Variants in RMDN2 observed in about 807,000 individuals in gnomAD.
RMDN2 encodes regulator of microtubule dynamics 2, also known as regulator of microtubule dynamics protein 2.
In RMDN2, 61 loss-of-function variants were observed where a neutral mutation model predicts 52.8. The ratio of observed to expected loss-of-function variants is 1.16; its 90% confidence interval spans 0.94 to 1.43. The LOEUF is 1.43. Ranked by LOEUF, RMDN2 falls within the 40% of genes most tolerant of loss-of-function variation. The probability of loss-of-function intolerance (pLI) is 0.00; values close to 1 mark genes in which losing one functional copy is unlikely to be tolerated. For missense variants in RMDN2, 592 were observed against 475.3 expected (o/e 1.25, Z -2.28); for synonymous variants, 180 against 153.1 (o/e 1.18, Z -1.30).
Position 37,950,698 on chromosome 2 carries a change from C to T in RMDN2, c.452+20969C>T, listed in dbSNP as rs1325063806. The T allele has an allele frequency of 2.7e-6, 3 of 1,098,902 alleles. No homozygotes were observed. In the African/African-American group the frequency reaches 4.6e-5, roughly 17 times the overall value. 68.1% of individuals were successfully genotyped at this position (1,098,902 alleles called of 1,614,324 possible). On this transcript the variant is annotated intron_variant, in intron 2 of 10. Coordinates refer to ENST00000354545, the MANE Select transcript of RMDN2 (RefSeq NM_001170791.3). ...TTTGTTTCCCATAATAACTGGATAT[C>T]CTGGACTGTCCAGATATTCACTTGA...
At chr2:38,001,196 C>T (rs368485745) in intron 8 of RMDN2, among the ~76,000 whole-genome samples, 2 of 152,180 alleles carry the variant, frequency 1.3e-5, no homozygotes, top group African/African-American at 4.8e-5. Context: ...TTATTAAGCA[C>T]ATAACTAGTG....
chr2:38,015,458 G>A (rs536577857), intron 10 of RMDN2, among the ~76,000 whole-genome samples: 8 of 152,102 alleles, frequency 5.3e-5, no homozygotes, highest in South Asian at 2.1e-4. Context: ...CCAGCTACTC[G>A]GGAGGCTGAG....
chr2:37,989,399 G>C, intron 5 of RMDN2, 142 bp from the exon 6 acceptor site: 1 of 611,108 alleles, frequency 1.6e-6, no homozygotes, highest in Non-Finnish European at 2.9e-6. Flanking sequence ...ATTTATTATT[G>C]TTAGGGCCCT....
At chr2:38,060,292 C>T (rs1378666491) in intron 10 of RMDN2, among the ~76,000 whole-genome samples, 1 of 152,174 alleles carries the variant, frequency 6.6e-6, no homozygotes, top group East Asian at 1.9e-4. Context: ...CCAGAGCTAT[C>T]TCTTGAAGTT....
intron 2 of RMDN2, among the ~76,000 whole-genome samples, chr2:37,948,793 G>A (rs1035547965): frequency 1.3e-5 from 2 of 152,098 alleles, no homozygotes; most frequent in African/African-American, 2.4e-5. Flanking sequence ...CGTTTTTTGT[G>A]TCTGCATAAT....
At chr2:37,950,571 A>C (rs770259328) in intron 2 of RMDN2, 14 of 1,613,224 alleles carry the variant, frequency 8.7e-6, no homozygotes, top group Non-Finnish European at 1.2e-5. Flanking sequence ...CTTTGGATTA[A>C]ATTTACAATG....
downstream of RMDN2, among the ~76,000 whole-genome samples, chr2:38,018,924 T>C (rs1344017675): frequency 6.6e-6 from 1 of 152,162 alleles, no homozygotes; most frequent in East Asian, 1.9e-4. Context: ...ACACTTAAAA[T>C]TTCAAGCCGT....
intron 10 of RMDN2, among the ~76,000 whole-genome samples, chr2:38,009,000 A>C (rs2125216285): frequency 6.6e-6 from 1 of 152,282 alleles, no homozygotes; most frequent in South Asian, 2.1e-4. Flanking sequence ...CTGGGTTGAA[A>C]ATTCTTTTCT....
At chr2:38,064,824 T>A (rs10169939) in intron 10 of RMDN2, among the ~76,000 whole-genome samples, 48,183 of 152,002 alleles carry the variant, frequency 0.32, 9,472 homozygotes, top group South Asian at 0.5. Context: ...AGAGGATATA[T>A]TTCATTTAAA....
At chr2:38,038,835 T>C (rs100461) in intron 10 of RMDN2, among the ~76,000 whole-genome samples, 92,035 of 151,662 alleles carry the variant, frequency 0.61, 28,700 homozygotes, top group East Asian at 0.89. Context: ...GGAGGATCAC[T>C]GGGTCATTTC....
chr2:37,923,684 A>T (rs967203654), upstream of RMDN2, among the ~76,000 whole-genome samples: 7 of 152,152 alleles, frequency 4.6e-5, no homozygotes, highest in Non-Finnish European at 4.4e-5. Context: ...TGTAGAAGGT[A>T]ATATTTTACT....
chr2:38,043,226 C>G (rs1473421746), intron 10 of RMDN2, among the ~76,000 whole-genome samples: 1 of 152,046 alleles, frequency 6.6e-6, no homozygotes, highest in Admixed American at 6.6e-5. Context: ...AGAATTGTCC[C>G]CTTTAAAATT....
intron 10 of RMDN2, among the ~76,000 whole-genome samples, chr2:38,048,687 A>T (rs1456769817): frequency 6.6e-6 from 1 of 152,248 alleles, no homozygotes; most frequent in Admixed American, 6.5e-5. Context: ...CCAGGTAGTC[A>T]GGGATCCTTC....
chr2:38,064,270 C>A (rs367710088), intron 10 of RMDN2, among the ~76,000 whole-genome samples: 1 of 152,038 alleles, frequency 6.6e-6, no homozygotes, highest in Non-Finnish European at 1.5e-5. Context: ...GAGTCCGAGG[C>A]GGGTAGATCA....
intron 10 of RMDN2, among the ~76,000 whole-genome samples, chr2:38,048,205 T>A (rs1681387363): frequency 6.6e-6 from 1 of 152,250 alleles, no homozygotes; most frequent in Non-Finnish European, 1.5e-5. Flanking sequence ...GACTTCTGTA[T>A]GTGCTACATT....
At position 38,004,115 on chromosome 2, in the gene RMDN2, TTGG is replaced by T. The variant is rs764528212; in HGVS notation, c.1099-19_1099-17del. On this transcript the variant is annotated intron_variant, in intron 9 of 10. Transcript: ENST00000354545. ...GCATAAAAACGGATTATGTTTAATATTGGTTATTTCTCATTTCCAGTGTTATAC... is the reference window on the plus strand; with the variant it reads ...GCATAAAAACGGATTATGTTTAATATTTATTTCTCATTTCCAGTGTTATAC... 2 of 1,610,404 alleles carry T rather than the reference TTGG, an allele frequency of 1.2e-6. No individual in the cohort carries two copies. Among genetic ancestry groups the T allele is most frequent in the East Asian group, 4.5e-5 (2 of 44,770 alleles).
chr2:37,967,071 G>A (rs1671151120), intron 2 of RMDN2, among the ~76,000 whole-genome samples: 1 of 152,130 alleles, frequency 6.6e-6, no homozygotes, highest in Non-Finnish European at 1.5e-5. Context: ...CTCATTTTAA[G>A]AAGGGATGAG....
intron 10 of RMDN2, chr2:38,030,873 AT>A (rs954583176): frequency 6.6e-6 from 1 of 152,192 alleles, no homozygotes; most frequent in Admixed American, 6.5e-5. Context: ...AATGTCTTAA[AT>A]TATTTAAAAT....
intron 4 of RMDN2, among the ~76,000 whole-genome samples, chr2:37,979,134 G>C (rs187001520): frequency 2.5e-4 from 38 of 152,126 alleles, no homozygotes; most frequent in Middle Eastern, 3.4e-3. Flanking sequence ...TTCAGATATT[G>C]AAATAAAAGT....
Sources: allele counts gnomAD v4.1 joint callset (sites outside exome capture counted in the v4.1 genomes callset), GRCh38; gene constraint gnomAD v4.1.1; transcripts MANE v1.5; gene names NCBI Gene and HGNC (gene_info 2026-07-23, HGNC 2026-07-21).